Variants in NCF4 observed in about 807,000 individuals in gnomAD.
The protein encoded by NCF4 is neutrophil cytosolic factor 4, also known as neutrophil cytosol factor 4.
In NCF4, 30 loss-of-function variants were observed where a neutral mutation model predicts 41.7. That is an observed-to-expected ratio of 0.72 (90% CI 0.54 to 0.97). The LOEUF (loss-of-function observed/expected upper bound fraction) is 0.97, where lower values mean the gene tolerates loss of function less well. Among genes scored for constraint, NCF4 ranks in the 50% least tolerant of loss-of-function variants. The pLI is 0.00. For missense variants in NCF4, 432 were observed against 460.9 expected (o/e 0.94, Z 0.57); for synonymous variants, 195 against 175.8 (o/e 1.11, Z -0.87).
intron 1 of NCF4, among the ~76,000 whole-genome samples, chr22:36,863,250 G>A (rs897862971): frequency 4.6e-5 from 7 of 152,128 alleles, no homozygotes; most frequent in Non-Finnish European, 1.0e-4. Flanking sequence ...TGCCCTCATG[G>A]AGATTTTAGG....
At position 36,861,113 on chromosome 22, in the gene NCF4, C is replaced by T; in HGVS notation, c.-59C>T. 2 of 1,548,784 alleles carry T rather than the reference C, an allele frequency of 1.3e-6. No individual in the cohort carries two copies. The highest frequency in any genetic ancestry group is 1.7e-6 in the Non-Finnish European group (2 of 1,144,620). Reference sequence around the variant, plus strand: ...GTGGCTGGAGGAAGTGAGAGGTGAACTCAGCCTGGGACTGGCTGGGCGAGA... The same window carrying T: ...GTGGCTGGAGGAAGTGAGAGGTGAATTCAGCCTGGGACTGGCTGGGCGAGA... On this transcript the variant is annotated 5_prime_UTR_variant, in exon 1 of 10. Coordinates refer to ENST00000248899, the MANE Select transcript of NCF4 (RefSeq NM_000631.5).
intron 7 of NCF4, among the ~76,000 whole-genome samples, chr22:36,873,719 C>T (rs528608273): frequency 1.3e-5 from 2 of 152,202 alleles, no homozygotes; most frequent in South Asian, 4.2e-4. Context: ...GACATTGGGG[C>T]CAGATGGTCC....
At chr22:36,864,195 T>TCCAA in intron 2 of NCF4, 66 bp downstream of exon 2, 2 of 1,279,892 alleles carry the variant, frequency 1.6e-6, no homozygotes, top group Non-Finnish European at 1.1e-6. Context: ...CCTCTGAACC[T>TCCAA]TGCCCTCTGA....
chr22:36,876,383 A>G (rs562154323), intron 9 of NCF4, among the ~76,000 whole-genome samples: 26 of 152,224 alleles, frequency 1.7e-4, no homozygotes, highest in South Asian at 1.5e-3. Context: ...GACTTGAACC[A>G]TCCACTCTCA....
chr22:36,861,102 T>C lies in NCF4; in HGVS notation c.-70T>C. ...CGAGACGCAGGGTGGCTGGAGGAAG[T>C]GAGAGGTGAACTCAGCCTGGGACTG... On this transcript the variant is annotated 5_prime_UTR_variant, in exon 1 of 10. Transcript: ENST00000248899. The C allele has an allele frequency of 1.3e-6, 2 of 1,540,774 alleles. No individual in the cohort carries two copies. The highest frequency in any genetic ancestry group is 2.4e-5 in the South Asian group (2 of 83,800).
rs1939899149 is a variant in NCF4 at position 36,865,198 on chromosome 22, A to AC, written c.271+127dup. The AC allele has an allele frequency of 7.2e-7, 1 of 1,390,784 alleles. No individual in the cohort carries two copies. The highest frequency in any genetic ancestry group is 1.2e-5 in the South Asian group (1 of 81,054). 86.2% of individuals were successfully genotyped at this position (1,390,784 alleles called of 1,614,324 possible). ...ACTGTTCATGTAGTTTATAGCCCCC[A>AC]CTCCCGGCAGTTACAGGCTGCCAAG... is the stretch of plus-strand genomic sequence containing the variant. On this transcript the variant is annotated intron_variant, in intron 3 of 9. Coordinates refer to ENST00000248899, the MANE Select transcript of NCF4 (RefSeq NM_000631.5). This position sits in a 1 kb window ranked among gnomAD's most constrained non-coding sequence, Gnocchi z 4.3.
chr22:36,862,594 C>T (rs1939800784), intron 1 of NCF4, among the ~76,000 whole-genome samples: 1 of 152,188 alleles, frequency 6.6e-6, no homozygotes, highest in Non-Finnish European at 1.5e-5. Context: ...CTTTCAGCTG[C>T]CTTAGCCCTC....
intron 2 of NCF4, 32 bp from the exon 3 acceptor site, chr22:36,864,885 CCT>C (rs1161346825): frequency 2.5e-6 from 4 of 1,613,706 alleles, no homozygotes; most frequent in African/African-American, 1.3e-5. Flanking sequence ...GCTCCTGGCC[CCT>C]GAGCCCTCCC....
chr22:36,870,330 A>G (rs1940023076), intron 4 of NCF4, 85 bp from the exon 5 acceptor site: 2 of 1,587,282 alleles, frequency 1.3e-6, no homozygotes, highest in African/African-American at 2.7e-5. Flanking sequence ...GGCTGATGTC[A>G]GGGCTCGGGG....
rs769387450 is a variant in NCF4 at position 36,875,880 on chromosome 22, CAA to C, written c.758+99_758+100del. 1.2e-5 allele frequency: 20 copies of C among 1,614,080 alleles called. 1 individual carries two copies. In the South Asian group the frequency reaches 2.2e-4, roughly 18 times the overall value. On this transcript the variant is annotated intron_variant, in intron 8 of 9. Transcript: ENST00000248899. The stretch of plus-strand genomic sequence containing the variant: ...CTTCTCATGGGTCCCTCTCCCACTC[CAA>C]AGCCCCCAGTGGCTCCCAGATGAGC...
At position 36,877,719 on chromosome 22, in the gene NCF4, A is replaced by C; in HGVS notation, c.916A>C (p.Met306Leu). 1 of 1,614,126 alleles carries C rather than the reference A, an allele frequency of 6.2e-7. No homozygotes were observed. Among genetic ancestry groups the C allele is most frequent in the Non-Finnish European group, 8.5e-7 (1 of 1,180,036 alleles). Residue 306 changes from methionine (M) to leucine (L), a missense_variant, in exon 10 of 10, where the codon ATG (methionine) becomes CTG (leucine). Met to Leu is a conservative substitution (Grantham distance 15). Coordinates refer to ENST00000248899, the MANE Select transcript of NCF4 (RefSeq NM_000631.5). ...GCTGTCGGATGAGGACGTAGCGCTC[A>C]TGGTGCGGCAGGCTCGTGGCCTCCC... ...RLLSDEDVAL[M>L]VRQARGLPSQ...
intron 1 of NCF4, among the ~76,000 whole-genome samples, chr22:36,863,819 A>T (rs980469096): frequency 2.6e-5 from 4 of 151,332 alleles, no homozygotes; most frequent in Admixed American, 6.6e-5. Context: ...CCATTCCTGC[A>T]CTCAGTATGG....
Position 36,877,921 on chromosome 22 carries a change from TCC to T in NCF4, c.*99_*100del. The T allele has an allele frequency of 7.8e-7, 1 of 1,280,684 alleles. No homozygotes were observed. Among genetic ancestry groups the T allele is most frequent in the Non-Finnish European group, 1.1e-6 (1 of 915,118 alleles). The allele number at this position is 1,280,684 out of a possible 1,614,324, so 79.3% of individuals were successfully genotyped here. On this transcript the variant is annotated 3_prime_UTR_variant, in exon 10 of 10. Transcript: ENST00000248899. ...GAAAACCTGGGAGGATGGGCAGACT[TCC>T]TGTCTTTGAGGCTAATGGACCCGTG... is the stretch of plus-strand genomic sequence containing the variant.
chr22:36,877,551 A>C, intron 9 of NCF4, 77 bp from the exon 10 acceptor site: 1 of 1,508,006 alleles, frequency 6.6e-7, no homozygotes, highest in East Asian at 2.3e-5. Flanking sequence ...TTCAGGACAT[A>C]AAACCCTTTT....
chr22:36,865,780 C>T lies in NCF4; in HGVS notation c.271+708C>T, dbSNP rs566425407. On this transcript the variant is annotated intron_variant, in intron 3 of 9. Transcript: ENST00000248899. This position sits in a 1 kb window ranked among gnomAD's most constrained non-coding sequence, Gnocchi z 4.3. ...GTCTCCCTTCCCCAAGCCTCAGGGA[C>T]CCTTCCCCAAGCTCCAACCCCATCT... Among the ~76,000 whole-genome samples, 1 of 152,288 alleles carries T rather than the reference C, an allele frequency of 6.6e-6. No individual in the cohort carries two copies. Among genetic ancestry groups the T allele is most frequent in the South Asian group, 2.1e-4 (1 of 4,814 alleles).
At chr22:36,876,587 G>A (rs576339243) in intron 9 of NCF4, among the ~76,000 whole-genome samples, 11 of 152,158 alleles carry the variant, frequency 7.2e-5, no homozygotes, top group African/African-American at 2.2e-4. Context: ...GTTATGTGAC[G>A]TACACTCAGA....
In NCF4 at chr22:36,861,913, AAAAGGTCTTAGAT is replaced by A. The variant is rs529123401; in HGVS notation, c.32+711_32+723del. ...ATGAATGGGTGGATCTTTGAGACGGAAAAGGTCTTAGATTCTTCTAGTCCAACCTTGCCATTGT... is the reference window on the plus strand; with the variant it reads ...ATGAATGGGTGGATCTTTGAGACGGATCTTCTAGTCCAACCTTGCCATTGT... On this transcript the variant is annotated intron_variant, in intron 1 of 9. Transcript: ENST00000248899. Among the ~76,000 whole-genome samples the A allele has an allele frequency of 9.8e-5, 15 of 152,296 alleles. No homozygotes were observed. The South Asian group carries it at 3.1e-3, about 32-fold the overall frequency.
At chr22:36,863,918 A>G (rs1939850274) in intron 1 of NCF4, 127 bp from the exon 2 acceptor site, 2 of 884,674 alleles carry the variant, frequency 2.3e-6, no homozygotes, top group Middle Eastern at 3.1e-4. Context: ...CTGGCCTGGG[A>G]AGGGGTGCTG....
chr22:36,871,123 C>A (rs908680966), intron 5 of NCF4, among the ~76,000 whole-genome samples: 2 of 152,342 alleles, frequency 1.3e-5, no homozygotes, highest in Admixed American at 6.5e-5. Context: ...GAGCTCCCCA[C>A]CAGCTCCTCC....
Sources: gnomAD v4.1 joint callset for allele counts (sites outside exome capture counted in the v4.1 genomes callset) on GRCh38, gnomAD v4.1.1 for gene constraint, Gnocchi (gnomAD v3.1) non-coding constraint, MANE v1.5 for transcripts, NCBI Gene and HGNC (gene_info 2026-07-23, HGNC 2026-07-21) for gene names.